The following SLC10A7 variants were observed in gnomAD, a reference collection of about 807,000 sequenced individuals.
SLC10A7 encodes sodium/bile acid cotransporter 7.
In SLC10A7, 29 loss-of-function variants were observed where a neutral mutation model predicts 43.2. The ratio of observed to expected loss-of-function variants is 0.67; its 90% CI spans 0.50 to 0.92. The LOEUF is 0.92. Ranked by LOEUF, SLC10A7 falls within the 40% of genes least tolerant of loss-of-function variation. The pLI is 0.00. For missense variants in SLC10A7, 295 were observed against 403.2 expected, an observed-to-expected ratio of 0.73 and a Z score of 2.30; for synonymous variants, 152 against 144.8, an observed-to-expected ratio of 1.05 and a Z score of -0.35.
At chr4:146,343,398 C>T (rs940040305) in intron 5 of SLC10A7, among the ~76,000 whole-genome samples, 5 of 152,024 alleles carry the variant, frequency 3.3e-5, no homozygotes, top group African/African-American at 1.2e-4. Context: ...CTGTGGGCCA[C>T]TCATCTGTGA....
At chr4:146,448,010 T>C (rs1731255808) in intron 4 of SLC10A7, among the ~76,000 whole-genome samples, 1 of 151,026 alleles carries the variant, frequency 6.6e-6, no homozygotes, top group East Asian at 1.9e-4. Context: ...AGGTGGGAAT[T>C]GAACAATGAG....
intron 5 of SLC10A7, among the ~76,000 whole-genome samples, chr4:146,400,517 C>T (rs544255109): frequency 1.3e-5 from 2 of 152,170 alleles, no homozygotes; most frequent in Admixed American, 6.5e-5. Context: ...AGCAGGATCT[C>T]GAATTACTTA....
chr4:146,467,367 G>C (rs1361336150), intron 4 of SLC10A7, among the ~76,000 whole-genome samples: 2 of 151,386 alleles, frequency 1.3e-5, no homozygotes, highest in African/African-American at 4.9e-5. Context: ...ACAGGGACTA[G>C]TTAAGCTAGC....
intron 5 of SLC10A7, among the ~76,000 whole-genome samples, chr4:146,427,369 T>C (rs753853704): frequency 6.6e-6 from 1 of 152,180 alleles, no homozygotes; most frequent in African/African-American, 2.4e-5. Context: ...TGTTTTCTAG[T>C]GTTACAAGCT....
At chr4:146,285,946 TGAGTGGTGAGAAGGACTGAGTTTG>T (rs1729882297) in intron 9 of SLC10A7, among the ~76,000 whole-genome samples, 3 of 62,038 alleles carry the variant, frequency 4.8e-5, no homozygotes, top group Admixed American at 3.1e-4. Context: ...GACTGTGTTT[TGAGTGGTGAGAAGGACTGAGTTTG>T]GAGTGGTGAG....
intron 6 of SLC10A7, among the ~76,000 whole-genome samples, chr4:146,310,089 TG>T (rs1419253888): frequency 6.6e-6 from 1 of 152,146 alleles, no homozygotes; most frequent in African/African-American, 2.4e-5. Flanking sequence ...TTTCAGTTCC[TG>T]TGTTAATTTG....
At chr4:146,405,618 TA>T (rs1727613158) in intron 5 of SLC10A7, among the ~76,000 whole-genome samples, 1 of 152,162 alleles carries the variant, frequency 6.6e-6, no homozygotes, top group Non-Finnish European at 1.5e-5. Context: ...AATTGTTTTA[TA>T]ATTGAGAAAA....
chr4:146,467,520 C>A (rs1252007535), intron 4 of SLC10A7, among the ~76,000 whole-genome samples: 1 of 149,292 alleles, frequency 6.7e-6, no homozygotes, highest in African/African-American at 2.5e-5. Flanking sequence ...TACTTTTTTA[C>A]TCCTTAGCAT....
chr4:146,491,963 A>G (rs1290041347), intron 4 of SLC10A7, among the ~76,000 whole-genome samples: 1 of 152,198 alleles, frequency 6.6e-6, no homozygotes, highest in African/African-American at 2.4e-5. Flanking sequence ...CACGCCTGTA[A>G]TCCCAGCACT....
At chr4:146,394,553 G>C (rs1342790341) in intron 5 of SLC10A7, among the ~76,000 whole-genome samples, 3 of 151,926 alleles carry the variant, frequency 2.0e-5, no homozygotes, top group Non-Finnish European at 4.4e-5. Flanking sequence ...GTAGAGATGG[G>C]GTTTTGCCAT....
At chr4:146,379,317 G>C (rs1035356373) in intron 5 of SLC10A7, among the ~76,000 whole-genome samples, 19 of 152,098 alleles carry the variant, frequency 1.2e-4, no homozygotes, top group African/African-American at 4.6e-4. Context: ...ATATATACAT[G>C]TATCTGCAGC....
At chr4:146,481,001 G>T (rs972807715) in intron 4 of SLC10A7, among the ~76,000 whole-genome samples, 2 of 152,102 alleles carry the variant, frequency 1.3e-5, no homozygotes, top group Admixed American at 1.3e-4. Flanking sequence ...CAGGTCTCCT[G>T]TACACCAGAG....
At chr4:146,492,894 A>C (rs1045770185) in intron 4 of SLC10A7, among the ~76,000 whole-genome samples, 11 of 152,080 alleles carry the variant, frequency 7.2e-5, no homozygotes, top group Non-Finnish European at 1.3e-4. Context: ...GCCTACATAC[A>C]ATTGATTAAA....
chr4:146,519,114 A>T (rs866904232), intron 1 of SLC10A7, among the ~76,000 whole-genome samples: 26 of 110,376 alleles, frequency 2.4e-4, no homozygotes, highest in Non-Finnish European at 3.9e-4. Flanking sequence ...TATATATATA[A>T]TATAATATAT....
chr4:146,405,051 C>A (rs1173152207), intron 5 of SLC10A7, among the ~76,000 whole-genome samples: 2 of 152,132 alleles, frequency 1.3e-5, no homozygotes, highest in African/African-American at 4.8e-5. Flanking sequence ...TACTTAAAAT[C>A]AATTAGGATC....
rs1258493980 is a variant in SLC10A7 at position 146,423,185 on chromosome 4, C to CT, written c.435+19597dup. 5.9e-5 allele frequency among the ~76,000 whole-genome samples: 9 copies of CT among 152,178 alleles called. No individual in the cohort carries two copies. In the South Asian group the frequency reaches 1.0e-3, roughly 18 times the overall value. ...CACCCTAAAAATGCATTTTTCCAAA[C>CT]TGTATAAATTTTTTTTTGCTAAAAT... On this transcript the variant is annotated intron_variant, in intron 5 of 11. Transcript: ENST00000335472.
At chr4:146,414,541 T>C (rs1370701878) in intron 5 of SLC10A7, among the ~76,000 whole-genome samples, 3 of 152,016 alleles carry the variant, frequency 2.0e-5, no homozygotes, top group Non-Finnish European at 2.9e-5. Context: ...CTGGCCAACA[T>C]GGTGAAACCC....
intron 10 of SLC10A7, among the ~76,000 whole-genome samples, chr4:146,259,515 C>T (rs1453347487): frequency 6.6e-6 from 1 of 152,190 alleles, no homozygotes; most frequent in Middle Eastern, 3.2e-3. Flanking sequence ...GCAGAAGAAT[C>T]GCTTGAACCT....
intron 5 of SLC10A7, among the ~76,000 whole-genome samples, chr4:146,428,062 A>G (rs1430462158): frequency 1.3e-5 from 2 of 152,162 alleles, no homozygotes; most frequent in Non-Finnish European, 2.9e-5. Context: ...CTGTAGTCCC[A>G]GCTACTTGAG....
Sources: gnomAD v4.1 joint callset for allele counts (sites outside exome capture counted in the v4.1 genomes callset) on GRCh38, gnomAD v4.1.1 for gene constraint, MANE v1.5 for transcripts, NCBI Gene and HGNC (gene_info 2026-07-23, HGNC 2026-07-21) for gene names.